Variants in SNX29 observed in about 807,000 individuals in gnomAD.
The protein encoded by SNX29 is sorting nexin-29.
Under a neutral mutation model 102.1 loss-of-function variants are expected in SNX29, and 78 were observed. The ratio of observed to expected loss-of-function variants is 0.76; its 90% CI spans 0.64 to 0.92. SNX29 has a LOEUF of 0.92. SNX29 is among the 40% of genes least tolerant of loss of function. The pLI, the probability that SNX29 is intolerant of heterozygous loss-of-function variation, is 0.00. For synonymous variants in SNX29, 580 were observed against 414.5 expected (o/e 1.40, Z -4.85); for missense variants, 1,280 against 1,061.7 (o/e 1.21, Z -2.86).
At chr16:12,226,144 C>T (rs1291116798) in intron 14 of SNX29, among the ~76,000 whole-genome samples, 1 of 152,210 alleles carries the variant, frequency 6.6e-6, no homozygotes, top group East Asian at 1.9e-4. Context: ...TCGTGTTCGA[C>T]ATTCTGGAGA....
At chr16:12,013,541 A>ATATATATATATATATATATATG (rs1325376334) in intron 3 of SNX29, among the ~76,000 whole-genome samples, 7 of 119,222 alleles carry the variant, frequency 5.9e-5, no homozygotes, top group East Asian at 6.4e-4. Context: ...ATATATATAT[A>ATATATATATATATATATATATG]TCGAGAGAGG....
intron 14 of SNX29, among the ~76,000 whole-genome samples, chr16:12,200,732 G>A (rs1477311260): frequency 1.3e-5 from 2 of 152,116 alleles, no homozygotes; most frequent in Non-Finnish European, 2.9e-5. Context: ...TGATCCGTCC[G>A]CCTCGGCCTC....
intron 15 of SNX29, among the ~76,000 whole-genome samples, chr16:12,315,249 G>A (rs1395567701): frequency 6.6e-6 from 1 of 152,174 alleles, no homozygotes; most frequent in East Asian, 1.9e-4. Flanking sequence ...AATTATTGTT[G>A]TTGTGATATG....
chr16:12,549,402 G>A (rs934918627), intron 20 of SNX29, among the ~76,000 whole-genome samples: 13 of 152,200 alleles, frequency 8.5e-5, no homozygotes, highest in Admixed American at 8.5e-4. Flanking sequence ...GGCTGAGGCA[G>A]GAGAATCTCT....
chr16:12,080,760 C>T (rs1400604212), intron 11 of SNX29, among the ~76,000 whole-genome samples: 1 of 149,562 alleles, frequency 6.7e-6, no homozygotes, highest in Non-Finnish European at 1.5e-5. Flanking sequence ...GGCACGATCT[C>T]AGCTTACTGC....
chr16:12,421,957 A>C, intron 18 of SNX29, among the ~76,000 whole-genome samples: 1 of 151,462 alleles, frequency 6.6e-6, no homozygotes, highest in East Asian at 1.9e-4. Flanking sequence ...ACCATCATCA[A>C]CCACCCATCA....
At chr16:12,448,209 G>A (rs913600032) in intron 18 of SNX29, among the ~76,000 whole-genome samples, 3 of 152,156 alleles carry the variant, frequency 2.0e-5, no homozygotes, top group East Asian at 1.9e-4. Flanking sequence ...GCTTGCGTCC[G>A]GGTCTGTCTC....
At chr16:12,183,390 C>CTACCGTCCACCTAGATT (rs1157632588) in intron 13 of SNX29, among the ~76,000 whole-genome samples, 1 of 151,922 alleles carries the variant, frequency 6.6e-6, no homozygotes, top group African/African-American at 2.4e-5. Context: ...TTGGATGTAC[C>CTACCGTCCACCTAGATT]TACCGTCCAC....
intron 11 of SNX29, chr16:12,093,562 C>T (rs2052647468): frequency 6.6e-6 from 1 of 152,230 alleles, no homozygotes; most frequent in Admixed American, 6.5e-5. Flanking sequence ...TACTGTGAGC[C>T]TTGATCGCAC....
At chr16:11,989,552 C>T (rs571332026) in intron 1 of SNX29, among the ~76,000 whole-genome samples, 1 of 152,352 alleles carries the variant, frequency 6.6e-6, no homozygotes, top group African/African-American at 2.4e-5. Context: ...CACCACCGCA[C>T]TCTGCCCATG....
chr16:12,255,574 A>G (rs1596648182), intron 14 of SNX29, among the ~76,000 whole-genome samples: 1 of 151,088 alleles, frequency 6.6e-6, no homozygotes, highest in Admixed American at 6.6e-5. Flanking sequence ...GGTAATCACC[A>G]TTCTGCTCTC....
chr16:12,027,256 T>G (rs2057219707), intron 3 of SNX29, 64 bp from the exon 4 acceptor site: 2 of 1,599,042 alleles, frequency 1.3e-6, no homozygotes. Context: ...CTGGAGATGC[T>G]GGGGCCGCCC....
chr16:12,101,193 C>T (rs1406988867), intron 11 of SNX29, among the ~76,000 whole-genome samples: 1 of 151,998 alleles, frequency 6.6e-6, no homozygotes, highest in Admixed American at 6.6e-5. Context: ...TCCTGAGCAT[C>T]CTGCTGGGCT....
intron 18 of SNX29, among the ~76,000 whole-genome samples, chr16:12,420,221 G>A (rs1391301144): frequency 1.3e-5 from 2 of 152,208 alleles, no homozygotes; most frequent in East Asian, 1.9e-4. Context: ...GCCTTCTTGC[G>A]AAGTTTCACA....
intron 14 of SNX29, among the ~76,000 whole-genome samples, chr16:12,277,339 G>A (rs1181068436): frequency 3.3e-5 from 5 of 152,138 alleles, no homozygotes; most frequent in African/African-American, 7.2e-5. Context: ...GTTCGAGGCT[G>A]TAGTGAGCTA....
At chr16:12,133,842 G>A (rs1388807089) in intron 13 of SNX29, among the ~76,000 whole-genome samples, 3 of 152,134 alleles carry the variant, frequency 2.0e-5, no homozygotes, top group African/African-American at 7.2e-5. Context: ...TGAGATATTC[G>A]AATGCTAAGT....
At chr16:12,353,165 C>T (rs1467791193) in intron 15 of SNX29, among the ~76,000 whole-genome samples, 2 of 152,178 alleles carry the variant, frequency 1.3e-5, no homozygotes, top group Non-Finnish European at 2.9e-5. Context: ...CTTTCTCCTC[C>T]CTAAGATCCT....
intron 19 of SNX29, among the ~76,000 whole-genome samples, chr16:12,524,332 TTG>T (rs1567652857): frequency 1.3e-5 from 2 of 152,076 alleles, no homozygotes; most frequent in South Asian, 2.1e-4. Flanking sequence ...CTGGATTGAT[TTG>T]TGTCTCCCTC....
intron 11 of SNX29, among the ~76,000 whole-genome samples, chr16:12,124,467 C>A (rs1458891906): frequency 1.3e-5 from 2 of 152,098 alleles, no homozygotes; most frequent in Non-Finnish European, 2.9e-5. Context: ...TTAGATGTGC[C>A]CTTGATGTGC....
Sources: gnomAD v4.1 joint callset for allele counts (sites outside exome capture counted in the v4.1 genomes callset) on GRCh38, gnomAD v4.1.1 for gene constraint, MANE v1.5 for transcripts, NCBI Gene and HGNC (gene_info 2026-07-23, HGNC 2026-07-21) for gene names.